Variants in PDE4DIP observed in about 807,000 individuals in gnomAD.
PDE4DIP encodes phosphodiesterase 4D interacting protein.
PDE4DIP carries 59 observed loss-of-function variants against 221.4 expected under a neutral mutation model. The ratio of observed to expected loss-of-function variants is 0.27; its 90% CI spans 0.22 to 0.33. PDE4DIP has a LOEUF of 0.33. Among genes scored for constraint, PDE4DIP ranks in the 10% least tolerant of loss-of-function variants. The pLI is 1.00. For synonymous variants in PDE4DIP, 404 were observed against 815.9 expected (o/e 0.50, Z 8.60); for missense variants, 1,036 against 2,154.2 (o/e 0.48, Z 10.28).
chr1:148,983,009 T>C (rs1227563023), intron 21 of PDE4DIP: 1 of 152,104 alleles, frequency 6.6e-6, no homozygotes, highest in African/African-American at 2.4e-5. Flanking sequence ...CCATAAGCCT[T>C]ACTCTTAATG....
At chr1:149,023,298 AT>A (rs2073718893) in intron 37 of PDE4DIP, among the ~76,000 whole-genome samples, 1 of 152,192 alleles carries the variant, frequency 6.6e-6, no homozygotes, top group Non-Finnish European at 1.5e-5. Context: ...CACATAGCTC[AT>A]TGCGGAAATA....
chr1:148,918,651 A>ACACACG (rs56386702), intron 1 of PDE4DIP, among the ~76,000 whole-genome samples: 39,494 of 127,324 alleles, frequency 0.31, 8,109 homozygotes, highest in East Asian at 0.61. Context: ...ACACACACAC[A>ACACACG]CACACACCCT....
intron 33 of PDE4DIP, among the ~76,000 whole-genome samples, chr1:149,016,952 G>A (rs1463575164): frequency 9.9e-5 from 15 of 152,256 alleles, no homozygotes; most frequent in African/African-American, 3.6e-4. Context: ...AATATATCCT[G>A]TGCACAAAAT....
chr1:148,932,922 A>G (rs2048377273), intron 4 of PDE4DIP, among the ~76,000 whole-genome samples: 1 of 152,222 alleles, frequency 6.6e-6, no homozygotes, highest in Non-Finnish European at 1.5e-5. Context: ...AAGAGACCCC[A>G]GAGAGCTAGT....
intron 14 of PDE4DIP, among the ~76,000 whole-genome samples, chr1:148,969,454 C>A (rs1340353793): frequency 6.7e-6 from 1 of 150,222 alleles, no homozygotes; most frequent in African/African-American, 2.5e-5. Context: ...CCTTAATAAT[C>A]TGATAATTTT....
intron 2 of PDE4DIP, 51 bp from the exon 6 acceptor site, chr1:148,931,749 C>T: frequency 7.3e-7 from 1 of 1,369,046 alleles, no homozygotes; most frequent in Non-Finnish European, 1.0e-6. Flanking sequence ...AATGGTTCCA[C>T]TTGCTAAACT....
intron 37 of PDE4DIP, among the ~76,000 whole-genome samples, chr1:149,022,879 C>G (rs1203160162): frequency 6.6e-6 from 1 of 151,790 alleles, no homozygotes; most frequent in Non-Finnish European, 1.5e-5. Flanking sequence ...TAGTGATATT[C>G]TGGCACATTA....
chr1:148,917,303 T>G (rs2044315809), intron 1 of PDE4DIP, among the ~76,000 whole-genome samples: 2 of 148,594 alleles, frequency 1.3e-5, no homozygotes, highest in Non-Finnish European at 3.0e-5. Flanking sequence ...CACAGCAGAA[T>G]GTATCTTGGG....
At chr1:148,963,433 T>C (rs1458672250) in intron 9 of PDE4DIP, among the ~76,000 whole-genome samples, 4 of 152,034 alleles carry the variant, frequency 2.6e-5, no homozygotes, top group African/African-American at 7.2e-5. Context: ...TATAGTTCAG[T>C]AAGAGAGACA....
rs374292773 is a variant in PDE4DIP at position 148,961,893 on chromosome 1, G to A, written c.825G>A (p.Ser275=). Reference sequence around the variant, plus strand: ...ATGAACTAAAGTGTGCTCAGGAGTCGTCTCAAAAGCAAGATGGTACAATTC... The same window carrying A: ...ATGAACTAAAGTGTGCTCAGGAGTCATCTCAAAAGCAAGATGGTACAATTC... The change falls in exon 7 of 44, where the codon TCG becomes TCA. Residue 275 remains serine, a synonymous_variant. Coordinates refer to ENST00000369354, the Ensembl canonical transcript of PDE4DIP. The A allele has an allele frequency of 1.3e-4, 214 of 1,608,244 alleles. 1 individual carries two copies. Among genetic ancestry groups the A allele is most frequent in the Non-Finnish European group, 1.2e-4 (139 of 1,174,674 alleles).
At chr1:149,025,353 G>A (rs1334861724) in intron 38 of PDE4DIP, among the ~76,000 whole-genome samples, 1 of 151,632 alleles carries the variant, frequency 6.6e-6, no homozygotes, top group Non-Finnish European at 1.5e-5. Flanking sequence ...GGGGAACTCA[G>A]TGTATGGTAA....
At chr1:148,944,190 G>A (rs1368320268) in intron 5 of PDE4DIP, among the ~76,000 whole-genome samples, 51 of 152,222 alleles carry the variant, frequency 3.4e-4, no homozygotes, top group Non-Finnish European at 4.1e-4. Flanking sequence ...GATGGAAGAA[G>A]AGAAAGATGT....
At chr1:148,844,565 A>G (rs1322421383) in intron 1 of PDE4DIP, 63 of 96,792 alleles carry the variant, frequency 6.5e-4, no homozygotes, top group African/African-American at 2.1e-3. Flanking sequence ...TGCGGGTCGC[A>G]CGGCTAGCCG....
intron 17 of PDE4DIP, among the ~76,000 whole-genome samples, chr1:148,977,317 G>A (rs587652055): frequency 2.8e-3 from 76 of 26,816 alleles, no homozygotes; most frequent in Admixed American, 7.9e-3. Context: ...CAAAGTGCTG[G>A]GATTACAGGT....
At chr1:148,981,194 G>A (rs782665101) in intron 20 of PDE4DIP, 76 bp from the exon 24 acceptor site, 3 of 1,414,034 alleles carry the variant, frequency 2.1e-6, no homozygotes, top group South Asian at 1.2e-5. Flanking sequence ...GGTATTGATG[G>A]TTCTTTGGAA....
intron 21 of PDE4DIP, chr1:148,984,000 AAAG>A (rs2061507172): frequency 6.6e-6 from 1 of 152,064 alleles, no homozygotes; most frequent in Non-Finnish European, 1.5e-5. Flanking sequence ...ATAGAGTTGA[AAAG>A]AACCTCCAAG....
At chr1:148,964,033 C>T (rs1452487754) in intron 9 of PDE4DIP, among the ~76,000 whole-genome samples, 3 of 151,822 alleles carry the variant, frequency 2.0e-5, no homozygotes, top group East Asian at 1.9e-4. Context: ...GCTGAGATTA[C>T]AGGCGTGAGC....
At chr1:148,890,013 TG>T (rs1208574304) in intron 1 of PDE4DIP, 119 bp downstream of exon 4, 2 of 41,426 alleles carry the variant, frequency 4.8e-5, no homozygotes, top group African/African-American at 7.1e-4. Flanking sequence ...GCGAGAGAGG[TG>T]GGGTTTCGTC....
At chr1:148,987,963 T>G (rs2062207149) in intron 21 of PDE4DIP, among the ~76,000 whole-genome samples, 1 of 152,152 alleles carries the variant, frequency 6.6e-6, no homozygotes, top group African/African-American at 2.4e-5. Flanking sequence ...TTGTGCATGT[T>G]GGAGTTTTAA....
Sources: allele counts gnomAD v4.1 joint callset (sites outside exome capture counted in the v4.1 genomes callset), GRCh38; gene constraint gnomAD v4.1.1; transcripts MANE v1.5; gene names NCBI Gene and HGNC (gene_info 2026-07-23, HGNC 2026-07-21).